Variants in CNNM2 observed in about 807,000 individuals in gnomAD.
CNNM2 encodes cyclin and CBS domain divalent metal cation transport mediator 2, also known as metal transporter CNNM2.
Under a neutral mutation model 66.9 loss-of-function variants are expected in CNNM2, and 12 were observed. That is an observed-to-expected ratio of 0.18 (90% CI 0.11 to 0.29). The LOEUF (loss-of-function observed/expected upper bound fraction) is 0.29, where lower values mean the gene tolerates loss of function less well. Ranked by LOEUF, CNNM2 falls within the 10% of genes least tolerant of loss-of-function variation. The probability of loss-of-function intolerance (pLI) is 1.00; values close to 1 mark genes in which losing one functional copy is unlikely to be tolerated. For missense variants in CNNM2, 705 were observed against 1,167.7 expected, an observed-to-expected ratio of 0.60 and a Z score of 5.77; for synonymous variants, 557 against 501.8, an observed-to-expected ratio of 1.11 and a Z score of -1.47.
intron 1 of CNNM2, among the ~76,000 whole-genome samples, chr10:103,042,042 A>G (rs770762837): frequency 1.1e-4 from 17 of 152,266 alleles, no homozygotes; most frequent in African/African-American, 2.4e-4. Context: ...TAGGATGTCA[A>G]ATTTATCCAA....
chr10:102,940,292 T>G (rs754879358), intron 1 of CNNM2, among the ~76,000 whole-genome samples: 4 of 151,896 alleles, frequency 2.6e-5, no homozygotes, highest in Non-Finnish European at 4.4e-5. Flanking sequence ...ATTGATCTGT[T>G]TTGAAAACGC....
rs1350029483 is a variant in CNNM2 at position 103,049,723 on chromosome 10, T to G, written c.1638T>G (p.Ala546=). Residue 546 remains alanine (A), a synonymous_variant, in exon 2 of 8, where the codon GCT becomes GCG. Transcript: ENST00000369878. ...EEFKKGKSHL[A]IVQRVNNEGE... is the part of the protein sequence containing the mutation. ...TCTCTAAAGGTAAATCTCACCTGGC[T>G]ATCGTGCAGCGGGTAAACAATGAGG... 5.6e-6 allele frequency: 9 copies of G among 1,613,640 alleles called. No homozygotes were observed. In the East Asian group the frequency reaches 2.0e-4, roughly 36 times the overall value.
chr10:103,065,883 C>T (rs780938055), intron 4 of CNNM2, among the ~76,000 whole-genome samples: 8 of 152,214 alleles, frequency 5.3e-5, no homozygotes, highest in Non-Finnish European at 1.2e-4. Flanking sequence ...TTGTTCCTCC[C>T]CTCCTCTTTG....
chr10:102,935,967 A>G (rs954911785), intron 1 of CNNM2, among the ~76,000 whole-genome samples: 1 of 151,792 alleles, frequency 6.6e-6, no homozygotes, highest in Admixed American at 6.6e-5. Context: ...CAGAAGAGAC[A>G]AAATGAAACT....
chr10:103,031,259 C>CT (rs1334713552), intron 1 of CNNM2, among the ~76,000 whole-genome samples: 1 of 152,190 alleles, frequency 6.6e-6, no homozygotes, highest in Non-Finnish European at 1.5e-5. Context: ...CAAAATTACT[C>CT]TTTCCACATT....
At chr10:103,041,947 G>T (rs1404027819) in intron 1 of CNNM2, among the ~76,000 whole-genome samples, 2 of 152,094 alleles carry the variant, frequency 1.3e-5, no homozygotes, top group Non-Finnish European at 2.9e-5. Context: ...GCTACCATCT[G>T]TACTTGCTCA....
At chr10:102,988,613 C>T (rs2063841397) in intron 1 of CNNM2, among the ~76,000 whole-genome samples, 1 of 152,072 alleles carries the variant, frequency 6.6e-6, no homozygotes, top group Non-Finnish European at 1.5e-5. Context: ...CTGCAGCTGC[C>T]CTAGAGCATC....
Position 103,089,578 on chromosome 10 carries a change from CT to C in CNNM2, c.*12399del. The C allele has an allele frequency of 7.0e-7, 1 of 1,432,352 alleles. No homozygotes were observed. The highest frequency in any genetic ancestry group is 9.2e-7 in the Non-Finnish European group (1 of 1,091,274). 88.7% of individuals were successfully genotyped at this position (1,432,352 alleles called of 1,614,324 possible). ...ACGTACCTTTCATGGAGCCCCCTCC[CT>C]CCCCCGAGTAGAACCCTAACAGGGA... On this transcript the variant is annotated 3_prime_UTR_variant, in exon 8 of 8. Transcript: ENST00000369878.
intron 1 of CNNM2, among the ~76,000 whole-genome samples, chr10:102,939,861 G>A (rs768184206): frequency 2.6e-5 from 4 of 151,928 alleles, no homozygotes; most frequent in African/African-American, 7.3e-5. Flanking sequence ...CCAGCTACTC[G>A]GGAGGCTGAG....
Position 103,054,298 on chromosome 10 carries a change from T to G in CNNM2, c.1766-31T>G. On this transcript the variant is annotated intron_variant, in intron 2 of 7. Transcript: ENST00000369878. The surrounding 1 kb of genome is among the most constrained non-coding windows in gnomAD (Gnocchi z 5.2). ...CCCTCATCTCATGGGATGCATTTCT[T>G]TTTTTTTCTCTCTTTTAATTCCTCC... 6.2e-7 allele frequency: 1 copy of G among 1,608,040 alleles called. No homozygotes were observed. The highest frequency in any genetic ancestry group is 8.5e-7 in the Non-Finnish European group (1 of 1,177,448).
At chr10:102,977,886 C>T (rs2063660814) in intron 1 of CNNM2, among the ~76,000 whole-genome samples, 1 of 152,106 alleles carries the variant, frequency 6.6e-6, no homozygotes, top group South Asian at 2.1e-4. Context: ...ATTCCTTGGT[C>T]TTTGAGTTCC....
chr10:103,040,205 A>G (rs1054239159), intron 1 of CNNM2, among the ~76,000 whole-genome samples: 8 of 151,854 alleles, frequency 5.3e-5, no homozygotes, highest in African/African-American at 1.2e-4. Context: ...AGAAATTCAG[A>G]TGACATTATA....
At chr10:103,072,410 G>A (rs571944389) in intron 6 of CNNM2, among the ~76,000 whole-genome samples, 4 of 150,986 alleles carry the variant, frequency 2.6e-5, no homozygotes, top group African/African-American at 4.9e-5. Flanking sequence ...CAGGCAGGCG[G>A]CCCTACTTCT....
At chr10:103,072,975 C>T (rs1287839736) in intron 6 of CNNM2, among the ~76,000 whole-genome samples, 2 of 152,206 alleles carry the variant, frequency 1.3e-5, no homozygotes, top group Non-Finnish European at 2.9e-5. Context: ...CTCTCTGGCC[C>T]CCAAGGGCTT....
At chr10:103,068,814 A>C in intron 5 of CNNM2, 92 bp downstream of exon 5, 5 of 991,616 alleles carry the variant, frequency 5.0e-6, no homozygotes, top group Non-Finnish European at 6.0e-6. Context: ...CTGCCAGCTG[A>C]CCCCATTCAC....
intron 1 of CNNM2, among the ~76,000 whole-genome samples, chr10:102,986,554 G>A (rs2063800648): frequency 2.0e-5 from 3 of 152,036 alleles, no homozygotes; most frequent in African/African-American, 4.8e-5. Context: ...AGGCCGAGGT[G>A]GGCGGATCAC....
chr10:103,001,531 A>G (rs768801539), intron 1 of CNNM2, among the ~76,000 whole-genome samples: 1 of 152,158 alleles, frequency 6.6e-6, no homozygotes, highest in Admixed American at 6.5e-5. Flanking sequence ...AGATGAGTCA[A>G]TGGAGGAAAG....
chr10:103,022,962 G>C (rs1046244549), intron 1 of CNNM2, among the ~76,000 whole-genome samples: 4 of 152,070 alleles, frequency 2.6e-5, no homozygotes, highest in African/African-American at 7.2e-5. Flanking sequence ...GAGTGCAGTG[G>C]CATGATTTCA....
chr10:102,920,244 G>T, intron 1 of CNNM2, 143 bp downstream of exon 1: 1 of 1,560,492 alleles, frequency 6.4e-7, no homozygotes, highest in Non-Finnish European at 8.7e-7. Context: ...AAGTTGAAAG[G>T]GTGGCGTGGA....
Sources: allele counts gnomAD v4.1 joint callset (sites outside exome capture counted in the v4.1 genomes callset), GRCh38; gene constraint gnomAD v4.1.1; non-coding constraint Gnocchi (gnomAD v3.1); transcripts MANE v1.5; gene names NCBI Gene and HGNC (gene_info 2026-07-23, HGNC 2026-07-21).